The following COL5A2 variants were observed in gnomAD, a reference collection of about 807,000 sequenced individuals.
COL5A2 encodes collagen alpha-2(V) chain.
COL5A2 carries 23 observed loss-of-function variants against 208.2 expected under a neutral mutation model. The observed-to-expected ratio is 0.11, with a 90% confidence interval of 0.08 to 0.16. The LOEUF is 0.16. Ranked by LOEUF, COL5A2 falls within the 10% of genes least tolerant of loss-of-function variation. COL5A2 has a pLI of 1.00. For synonymous variants in COL5A2, 625 were observed against 628.5 expected (o/e 0.99, Z 0.08); for missense variants, 1,590 against 1,956.4 (o/e 0.81, Z 3.53).
At chr2:189,417,552 C>T in the COL5A2 span, among the ~76,000 whole-genome samples, 1 of 151,820 alleles carries the variant, frequency 6.6e-6, no homozygotes, top group African/African-American at 2.4e-5. Context: ...ATTGGAACTG[C>T]ATTTTAGTTA....
chr2:189,390,572 GT>G, the COL5A2 span, among the ~76,000 whole-genome samples: 1 of 152,116 alleles, frequency 6.6e-6, no homozygotes, highest in Admixed American at 6.6e-5. Context: ...AGGAAATTAG[GT>G]TATGAGATAA....
the COL5A2 span, among the ~76,000 whole-genome samples, chr2:189,397,917 T>C: frequency 6.6e-6 from 1 of 152,124 alleles, no homozygotes; most frequent in Non-Finnish European, 1.5e-5. Flanking sequence ...TCTTCTATAA[T>C]AAATTTATTC....
intron 6 of COL5A2, 113 bp from the exon 7 acceptor site, chr2:189,092,533 T>C: frequency 1.4e-6 from 1 of 739,174 alleles, no homozygotes; most frequent in Non-Finnish European, 2.4e-6. Flanking sequence ...TAAAAATACA[T>C]GGCAATCTAG....
chr2:189,064,748 T>C, intron 24 of COL5A2, 93 bp from the exon 25 acceptor site: 1 of 956,768 alleles, frequency 1.0e-6, no homozygotes, highest in Non-Finnish European at 1.7e-6. Flanking sequence ...ATCAAGGCAC[T>C]AATATAACAT....
At chr2:189,180,233 G>A (rs1422654688), upstream of COL5A2, among the ~76,000 whole-genome samples, 1 of 152,138 alleles carries the variant, frequency 6.6e-6, no homozygotes, top group African/African-American at 2.4e-5. Context: ...TGAATAGGGA[G>A]TATTCTTATC....
the COL5A2 span, among the ~76,000 whole-genome samples, chr2:189,269,944 C>A: frequency 6.6e-6 from 1 of 152,174 alleles, no homozygotes; most frequent in Admixed American, 6.5e-5. Flanking sequence ...GATTCAACTT[C>A]TTCCTGGTTT....
Position 189,098,650 on chromosome 2 carries a change from T to A in COL5A2, c.402+77A>T, listed in dbSNP as rs538448900. Reference sequence around the variant, plus strand: ...ATTGTTTAATTCTTTTATCTTCTCATGGATATAATATCTGTAAAGATTTTC... The same window carrying A: ...ATTGTTTAATTCTTTTATCTTCTCAAGGATATAATATCTGTAAAGATTTTC... On this transcript the variant is annotated intron_variant, in intron 5 of 53. Coordinates refer to ENST00000374866, the MANE Select transcript of COL5A2 (RefSeq NM_000393.5). 1.1e-5 allele frequency: 12 copies of A among 1,114,464 alleles called. No homozygotes were observed. The South Asian group carries it at 1.5e-4, about 14-fold the overall frequency. 69.0% of individuals were successfully genotyped at this position (1,114,464 alleles called of 1,614,324 possible).
chr2:189,133,467 C>T (rs559507161), intron 1 of COL5A2, among the ~76,000 whole-genome samples: 9 of 152,166 alleles, frequency 5.9e-5, no homozygotes, highest in African/African-American at 2.2e-4. Flanking sequence ...GAATACATGC[C>T]AGAGGGTGTT....
chr2:189,298,625 G>A, the COL5A2 span, among the ~76,000 whole-genome samples: 1 of 152,164 alleles, frequency 6.6e-6, no homozygotes, highest in African/African-American at 2.4e-5. Context: ...TAGACCAAGA[G>A]ATAGATTAGC....
intron 41 of COL5A2, among the ~76,000 whole-genome samples, chr2:189,051,738 CT>C (rs2105560310): frequency 6.6e-6 from 1 of 152,240 alleles, no homozygotes; most frequent in East Asian, 1.9e-4. Context: ...AGTGGTGCAA[CT>C]AACTTGAATT....
At chr2:189,171,525 T>G (rs1425167915) in intron 1 of COL5A2, among the ~76,000 whole-genome samples, 1 of 152,128 alleles carries the variant, frequency 6.6e-6, no homozygotes, top group African/African-American at 2.4e-5. Flanking sequence ...AAATGGTAGA[T>G]CTTAGTGAAC....
the COL5A2 span, among the ~76,000 whole-genome samples, chr2:189,406,808 CTCTTG>C: frequency 2.0e-5 from 3 of 151,858 alleles, no homozygotes; most frequent in African/African-American, 4.8e-5. Flanking sequence ...GCAAGATAAA[CTCTTG>C]TCTTAACACT....
the COL5A2 span, among the ~76,000 whole-genome samples, chr2:189,341,885 T>C: frequency 3.9e-5 from 6 of 152,146 alleles, no homozygotes; most frequent in Admixed American, 3.9e-4. Context: ...TATAATTTCC[T>C]TAAGAACAAG....
chr2:189,361,669 T>C, the COL5A2 span, among the ~76,000 whole-genome samples: 1 of 152,114 alleles, frequency 6.6e-6, no homozygotes, highest in Non-Finnish European at 1.5e-5. Context: ...TTTCTGGTTG[T>C]TTTATAGATT....
At chr2:189,402,445 T>A in the COL5A2 span, among the ~76,000 whole-genome samples, 1 of 152,228 alleles carries the variant, frequency 6.6e-6, no homozygotes, top group East Asian at 1.9e-4. Flanking sequence ...GGTCTCGATC[T>A]CCTGACCTTG....
chr2:189,310,183 T>C, the COL5A2 span, among the ~76,000 whole-genome samples: 1 of 152,234 alleles, frequency 6.6e-6, no homozygotes, highest in African/African-American at 2.4e-5. Flanking sequence ...ACAAGGAACA[T>C]TAATAATAGA....
At chr2:189,122,677 T>C (rs7593860) in intron 1 of COL5A2, among the ~76,000 whole-genome samples, 117,400 of 152,182 alleles carry the variant, frequency 0.77, 48,601 homozygotes, top group South Asian at 0.91. Flanking sequence ...GAATGAAAAA[T>C]ATTTAATTTC....
At chr2:189,157,124 C>CTATATATAGATATATCGATA (rs112157584) in intron 1 of COL5A2, among the ~76,000 whole-genome samples, 6 of 85,890 alleles carry the variant, frequency 7.0e-5, no homozygotes, top group African/African-American at 2.0e-4. Flanking sequence ...ATCGATATAT[C>CTATATATAGATATATCGATA]TATCTATATA....
At chr2:189,425,149 GTATC>G in the COL5A2 span, among the ~76,000 whole-genome samples, 1 of 152,128 alleles carries the variant, frequency 6.6e-6, no homozygotes, top group South Asian at 2.1e-4. Flanking sequence ...CCACAAGGAG[GTATC>G]ATCTCACTTC....
Sources: allele counts gnomAD v4.1 joint callset (sites outside exome capture counted in the v4.1 genomes callset), GRCh38; gene constraint gnomAD v4.1.1; transcripts MANE v1.5; gene names NCBI Gene and HGNC (gene_info 2026-07-23, HGNC 2026-07-21).